The following PNPLA6 variants were observed in gnomAD, a reference collection of about 807,000 sequenced individuals.
PNPLA6 encodes the protein patatin-like phospholipase domain-containing protein 6.
PNPLA6 carries 105 observed loss-of-function variants against 153.7 expected under a neutral mutation model. That is an observed-to-expected ratio of 0.68 (90% confidence interval 0.58 to 0.80). The LOEUF is 0.80. PNPLA6 is among the 30% of genes least tolerant of loss of function. PNPLA6 has a pLI of 0.00. For missense variants in PNPLA6, 1,423 were observed against 1,919.3 expected (o/e 0.74, Z 4.83); for synonymous variants, 825 against 822.2 (o/e 1.00, Z -0.06).
chr19:7,540,455 T>A lies in PNPLA6; in HGVS notation c.714+147T>A. ...CCGAGGACATTTGGGGTAGTCTGCG[T>A]AGTTGCTCAGTAGTTACAAGTATTG... is the stretch of plus-strand genomic sequence containing the variant. On this transcript the variant is annotated intron_variant, in intron 5 of 31. Transcript: ENST00000600737. This position sits in a 1 kb window ranked among gnomAD's most constrained non-coding sequence, Gnocchi z 6.8. The A allele has an allele frequency of 9.4e-7, 1 of 1,064,484 alleles. No individual in the cohort carries two copies. The highest frequency in any genetic ancestry group is 1.4e-6 in the Non-Finnish European group (1 of 721,416). 65.9% of individuals were successfully genotyped at this position (1,064,484 alleles called of 1,614,324 possible).
chr19:7,544,364 G>A (rs1210616092), intron 13 of PNPLA6, among the ~76,000 whole-genome samples: 3 of 152,226 alleles, frequency 2.0e-5, no homozygotes, highest in Admixed American at 6.5e-5. Flanking sequence ...CGCCTGCCTC[G>A]GCCTCCCAAA....
rs758437738 is a variant in PNPLA6 at position 7,555,621 on chromosome 19, T to C, written c.2951T>C (p.Ile984Thr). 1 of 1,612,124 alleles carries C rather than the reference T, an allele frequency of 6.2e-7. No individual in the cohort carries two copies. Among genetic ancestry groups the C allele is most frequent in the South Asian group, 1.1e-5 (1 of 90,992 alleles). Reference protein sequence around the residue: ...GGGGARGCSHIGVLKALEEAG... With the variant: ...GGGGARGCSHTGVLKALEEAG... ...TTTCCCGGCAGGGGCTGCTCGCACA[T>C]CGGAGTACTAAAGGCATTAGAGGAG... The change falls in exon 24 of 32, where the codon ATC (isoleucine) becomes ACC (threonine). Residue 984 changes from isoleucine to threonine, a missense_variant. By Grantham distance (89) the Ile-to-Thr change is moderately conservative (BLOSUM62 -1). Around this residue, in one of 10 missense-constraint regions of PNPLA6, gnomAD observed 643 missense variants for 835.2 expected, o/e 0.77. Coordinates refer to ENST00000600737, the MANE Select transcript of PNPLA6 (RefSeq NM_001166114.2). This position sits in a 1 kb window ranked among gnomAD's most constrained non-coding sequence, Gnocchi z 6.3.
Position 7,549,912 on chromosome 19 carries a change from G to A in PNPLA6, c.1614G>A (p.Val538=). 1.2e-6 allele frequency: 2 copies of A among 1,613,530 alleles called. No individual in the cohort carries two copies. The highest frequency in any genetic ancestry group is 1.1e-5 in the South Asian group (1 of 91,092). Residue 538 remains valine (V), a synonymous_variant, in exon 14 of 32, where the codon GTG becomes GTA. Transcript: ENST00000600737. ...CACATCCCCTGCCCGCACAGGACGT[G>A]AGCCTGCACTTCGTGCTCTGGGGCT... is the stretch of plus-strand genomic sequence containing the variant. ...TIIARQGDQD[V]SLHFVLWGCL...
chr19:7,542,211 T>C (rs1360730588), intron 10 of PNPLA6, 144 bp downstream of exon 10: 17 of 695,414 alleles, frequency 2.4e-5, no homozygotes, highest in South Asian at 2.1e-4. Flanking sequence ...AGATATTCAT[T>C]GAGATAGTGC....
In PNPLA6 at chr19:7,559,036, A is replaced by G. The variant is rs896976341; in HGVS notation, c.3584A>G (p.Tyr1195Cys). ...DMAEIQSRLA[Y>C]VSCVRQLEVV... Reference sequence around the variant, plus strand: ...GCTGAAATCCAGTCCCGCCTGGCCTACGTGTCCTGTGTGCGGCAGCTAGAG... The same window carrying G: ...GCTGAAATCCAGTCCCGCCTGGCCTGCGTGTCCTGTGTGCGGCAGCTAGAG... The change falls in exon 28 of 32, where the codon TAC (tyrosine) becomes TGC (cysteine). Residue 1195 changes from tyrosine (Y) to cysteine (C), a missense_variant. By Grantham distance (194) the Tyr-to-Cys change is radical (BLOSUM62 -2). Around this residue, in one of 10 missense-constraint regions of PNPLA6, gnomAD observed 643 missense variants for 835.2 expected, o/e 0.77. Coordinates refer to ENST00000600737, the MANE Select transcript of PNPLA6 (RefSeq NM_001166114.2). 2.5e-6 allele frequency: 4 copies of G among 1,614,186 alleles called. No individual in the cohort carries two copies. Among genetic ancestry groups the G allele is most frequent in the Non-Finnish European group, 3.4e-6 (4 of 1,180,034 alleles).
Position 7,555,349 on chromosome 19 carries a change from T to C in PNPLA6, c.2918T>C (p.Leu973Pro), listed in dbSNP as rs1195035937. 4 of 1,545,854 alleles carry C rather than the reference T, an allele frequency of 2.6e-6. No individual in the cohort carries two copies. Among genetic ancestry groups the C allele is most frequent in the Non-Finnish European group, 3.5e-6 (4 of 1,145,054 alleles). ...VLTGNTIALV[L>P]GGGGARGCSH... is the part of the protein sequence containing the mutation. ...ACGGGGAACACCATTGCCCTTGTGC[T>C]AGGCGGGGGCGGGGCCAGGTGAGGG... Residue 973 changes from leucine to proline, a missense_variant, in exon 23 of 32, where the codon CTA becomes CCA. Physicochemically the swap from Leu to Pro is moderately conservative, Grantham distance 98. Around this residue, in one of 10 missense-constraint regions of PNPLA6, gnomAD observed 643 missense variants for 835.2 expected, o/e 0.77. Transcript: ENST00000600737. This position sits in a 1 kb window ranked among gnomAD's most constrained non-coding sequence, Gnocchi z 6.3.
chr19:7,534,217 T>C, upstream of PNPLA6: 1 of 332,780 alleles, frequency 3.0e-6, no homozygotes, highest in South Asian at 2.6e-5. Context: ...TGGCGCGGAG[T>C]GGACCCCGGC....
chr19:7,535,720 C>CT lies in PNPLA6; in HGVS notation c.-68dup. 3 of 1,520,062 alleles carry CT rather than the reference C, an allele frequency of 2.0e-6. No homozygotes were observed. The highest frequency in any genetic ancestry group is 2.6e-6 in the Non-Finnish European group (3 of 1,133,860). The allele number at this position is 1,520,062 out of a possible 1,614,324, so 94.2% of individuals were successfully genotyped here. ...GCGGAACTACGTTTCCCGGCATGCA[C>CT]TGCGGGCCGCCGGGCCTCAGGGAAG... is the stretch of plus-strand genomic sequence containing the variant. On this transcript the variant is annotated 5_prime_UTR_variant, in exon 1 of 32. Coordinates refer to ENST00000600737, the MANE Select transcript of PNPLA6 (RefSeq NM_001166114.2). This position sits in a 1 kb window ranked among gnomAD's most constrained non-coding sequence, Gnocchi z 5.0.
chr19:7,535,877 G>A lies in PNPLA6; in HGVS notation c.89G>A (p.Gly30Glu). ...RDGFQDVLAP[G>E]EGSAGRICGA... ...GGGTTCCAGGACGTCCTGGCGCCCGGGGAAGGCTCGGCGGGACGGATTTGC... is the reference window on the plus strand; with the variant it reads ...GGGTTCCAGGACGTCCTGGCGCCCGAGGAAGGCTCGGCGGGACGGATTTGC... The change falls in exon 1 of 32, where the codon GGG (glycine) becomes GAG (glutamate). Residue 30 changes from glycine to glutamate, a missense_variant. Coordinates refer to ENST00000600737, the MANE Select transcript of PNPLA6 (RefSeq NM_001166114.2). This position sits in a 1 kb window ranked among gnomAD's most constrained non-coding sequence, Gnocchi z 5.0. The A allele has an allele frequency of 4.5e-6, 7 of 1,543,436 alleles. No individual in the cohort carries two copies. The highest frequency in any genetic ancestry group is 6.1e-6 in the Non-Finnish European group (7 of 1,149,916).
At chr19:7,546,907 A>AG (rs2023407590) in intron 13 of PNPLA6, among the ~76,000 whole-genome samples, 1 of 99,590 alleles carries the variant, frequency 1.0e-5, no homozygotes, top group Non-Finnish European at 2.4e-5. Flanking sequence ...AAGCCAATTC[A>AG]ATTTTTTTTT....
At chr19:7,552,607 T>C (rs1362277005) in intron 18 of PNPLA6, among the ~76,000 whole-genome samples, 1 of 151,330 alleles carries the variant, frequency 6.6e-6, no homozygotes, top group East Asian at 1.9e-4. Flanking sequence ...GTACAAAAAT[T>C]AGTCGGGTGT....
intron 27 of PNPLA6, 135 bp downstream of exon 27, chr19:7,557,419 T>G: frequency 2.8e-6 from 2 of 703,044 alleles, no homozygotes. Context: ...CAGACACACA[T>G]GCGCACACAT....
At chr19:7,550,249 T>C (rs1442735757) in intron 14 of PNPLA6, 49 bp from the exon 15 acceptor site, 1 of 1,612,804 alleles carries the variant, frequency 6.2e-7, no homozygotes. Context: ...AGCGCCGGTG[T>C]AGGACGGTTT....
rs779282544 is a variant in PNPLA6 at position 7,555,658 on chromosome 19, C to T, written c.2988C>T (p.Pro996=). 112 of 1,613,022 alleles carry T rather than the reference C, an allele frequency of 6.9e-5. No homozygotes were observed. Among genetic ancestry groups the T allele is most frequent in the Non-Finnish European group, 9.0e-5 (106 of 1,179,808 alleles). The stretch of plus-strand genomic sequence containing the variant: ...AGGCATTAGAGGAGGCGGGGGTCCC[C>T]GTGGACCTGGTGGGCGGCACGTCCA... The part of the protein sequence containing the change: ...VLKALEEAGV[P]VDLVGGTSIG... The change falls in exon 24 of 32, where the codon CCC becomes CCT. Residue 996 remains proline, a synonymous_variant. Transcript: ENST00000600737. The surrounding 1 kb of genome is among the most constrained non-coding windows in gnomAD (Gnocchi z 6.3).
chr19:7,540,674 C>T lies in PNPLA6; in HGVS notation c.759C>T (p.Ser253=), dbSNP rs757493256. The change falls in exon 6 of 32, where the codon AGC becomes AGT. Residue 253 remains serine, a synonymous_variant. Coordinates refer to ENST00000600737, the MANE Select transcript of PNPLA6 (RefSeq NM_001166114.2). This position sits in a 1 kb window ranked among gnomAD's most constrained non-coding sequence, Gnocchi z 6.8. ...CVVKEVVPGD[S]VNSLLSILDV... ...TGAAGGAAGTGGTTCCTGGGGACAGCGTCAACAGCCTTCTCAGCATCCTGG... is the reference window on the plus strand; with the variant it reads ...TGAAGGAAGTGGTTCCTGGGGACAGTGTCAACAGCCTTCTCAGCATCCTGG... 1.2e-6 allele frequency: 2 copies of T among 1,613,762 alleles called. No homozygotes were observed. The highest frequency in any genetic ancestry group is 1.7e-6 in the Non-Finnish European group (2 of 1,179,770).
intron 26 of PNPLA6, 41 bp downstream of exon 26, chr19:7,556,765 C>T (rs770877307): frequency 3.6e-6 from 5 of 1,407,062 alleles, no homozygotes; most frequent in African/African-American, 2.8e-5. Context: ...GCTGACGCCA[C>T]GTGGGGTTGG....
In PNPLA6 at chr19:7,541,466, G is replaced by T; in HGVS notation, c.1005+32G>T. On this transcript the variant is annotated intron_variant, in intron 8 of 31. Coordinates refer to ENST00000600737, the MANE Select transcript of PNPLA6 (RefSeq NM_001166114.2). This position sits in a 1 kb window ranked among gnomAD's most constrained non-coding sequence, Gnocchi z 5.2. ...GGGTGGCGGGGAGCGAGCACAGGGG[G>T]GATGGGGGCGAGGTCTCCCTCCCAG... The T allele has an allele frequency of 6.2e-7, 1 of 1,612,610 alleles. No individual in the cohort carries two copies. The highest frequency in any genetic ancestry group is 8.5e-7 in the Non-Finnish European group (1 of 1,179,038).
intron 13 of PNPLA6, among the ~76,000 whole-genome samples, chr19:7,545,962 C>T (rs981192812): frequency 2.6e-5 from 4 of 151,466 alleles, no homozygotes; most frequent in Non-Finnish European, 5.9e-5. Context: ...TGGTCCCTGC[C>T]CTTGGGCAGC....
At chr19:7,535,604 G>A (rs753137633), upstream of PNPLA6, 3 of 1,597,556 alleles carry the variant, frequency 1.9e-6, no homozygotes, top group South Asian at 1.1e-5. This position sits in a 1 kb window ranked among gnomAD's most constrained non-coding sequence, Gnocchi z 5.0. Flanking sequence ...AGACCGGGTA[G>A]GTGCCGGCGT....
Sources: gnomAD v4.1 joint callset for allele counts (sites outside exome capture counted in the v4.1 genomes callset) on GRCh38, gnomAD v4.1.1 for gene constraint, gnomAD v4.1.1 regional missense constraint, Gnocchi (gnomAD v3.1) non-coding constraint, MANE v1.5 for transcripts, NCBI Gene and HGNC (gene_info 2026-07-23, HGNC 2026-07-21) for gene names.